LRRC32: variants seen among roughly 807,000 people sequenced by gnomAD.
LRRC32 encodes leucine rich repeat containing 32, also known as transforming growth factor beta activator LRRC32.
LRRC32 carries 5 observed loss-of-function variants against 15.0 expected under a neutral mutation model. The ratio of observed to expected loss-of-function variants is 0.33; its 90% CI spans 0.17 to 0.70. The LOEUF is 0.70. Ranked by LOEUF, LRRC32 falls within the 30% of genes least tolerant of loss-of-function variation. LRRC32 has a pLI of 0.66. For synonymous variants in LRRC32, 391 were observed against 403.9 expected, an observed-to-expected ratio of 0.97 and a Z score of 0.38; for missense variants, 803 against 854.2, an observed-to-expected ratio of 0.94 and a Z score of 0.75.
At chr11:76,665,370 A>T (rs966714215) in intron 2 of LRRC32, among the ~76,000 whole-genome samples, 6 of 151,974 alleles carry the variant, frequency 3.9e-5, no homozygotes, top group Non-Finnish European at 5.9e-5. Context: ...CTTCCTGGAG[A>T]TGGCAGCATT....
At chr11:76,661,979 A>G (rs965611408) in intron 2 of LRRC32, among the ~76,000 whole-genome samples, 2 of 152,040 alleles carry the variant, frequency 1.3e-5, no homozygotes, top group African/African-American at 4.8e-5. Context: ...GTAGATGGGA[A>G]TTTCTCCACT....
Position 76,660,478 on chromosome 11 carries a change from T to C in LRRC32, c.1115A>G (p.His372Arg). ...LPCLMLLDLSHNALETLELGA... is the reference protein window; with the variant it reads ...LPCLMLLDLSRNALETLELGA... ...CAGTTCCAGTGTCTCCAGGGCATTGTGGCTTAAGTCAAGGAGCATCAGGCA... is the reference window on the plus strand; with the variant it reads ...CAGTTCCAGTGTCTCCAGGGCATTGCGGCTTAAGTCAAGGAGCATCAGGCA... Residue 372 changes from histidine (H) to arginine (R), a missense_variant, in exon 3 of 3, where the codon CAC becomes CGC. Transcript: ENST00000260061. 6.2e-7 allele frequency: 1 copy of C among 1,614,072 alleles called. No individual in the cohort carries two copies. Among genetic ancestry groups the C allele is most frequent in the Non-Finnish European group, 8.5e-7 (1 of 1,179,998 alleles).
At chr11:76,667,670 C>T (rs1381634035) in intron 1 of LRRC32, among the ~76,000 whole-genome samples, 8 of 152,242 alleles carry the variant, frequency 5.3e-5, no homozygotes, top group Non-Finnish European at 7.3e-5. Context: ...AGAACGCCAC[C>T]GCCCGTTAGA....
In LRRC32 at chr11:76,660,138, G is replaced by C. The variant is rs770680359; in HGVS notation, c.1455C>G (p.Ala485=). The part of the protein sequence containing the change: ...SNPGLEVATG[A]LGGLEASLEV... ...CCAAGGAGGCCTCCAGGCCTCCCAA[G>C]GCCCCCGTGGCCACCTCCAGCCCAG... The change falls in exon 3 of 3, where the codon GCC becomes GCG. Residue 485 remains alanine, a synonymous_variant. Transcript: ENST00000260061. The C allele has an allele frequency of 5.6e-6, 9 of 1,606,232 alleles. No individual in the cohort carries two copies. Among genetic ancestry groups the C allele is most frequent in the East Asian group, 4.5e-5 (2 of 44,806 alleles).
chr11:76,664,079 G>T (rs1204901773), intron 2 of LRRC32, among the ~76,000 whole-genome samples: 1 of 152,190 alleles, frequency 6.6e-6, no homozygotes, highest in East Asian at 1.9e-4. Flanking sequence ...ACCGTGCTGT[G>T]CCCCGCGTGT....
rs1488776851 is a variant in LRRC32, at chr11:76,660,242, C to A, written c.1351G>T (p.Val451Leu). The change falls in exon 3 of 3, where the codon GTG becomes TTG. Residue 451 changes from valine to leucine, a missense_variant. Val to Leu is a conservative substitution (Grantham distance 32). Coordinates refer to ENST00000260061, the MANE Select transcript of LRRC32 (RefSeq NM_001128922.2). ...GITSLRSLSL[V>L]DNEIELLRAG... ...CTGAGCAGCTCTATCTCATTATCCA[C>A]CAGGCTCAGGCTGCGGAGGGAGGTG... 1 of 1,575,038 alleles carries A rather than the reference C, an allele frequency of 6.3e-7. No homozygotes were observed. Among genetic ancestry groups the A allele is most frequent in the Non-Finnish European group, 8.6e-7 (1 of 1,162,656 alleles).
chr11:76,660,448 GC>G lies in LRRC32; in HGVS notation c.1144del (p.Ala382ProfsTer67). On this transcript the variant is annotated frameshift_variant, in exon 3 of 3. Coordinates refer to ENST00000260061, the MANE Select transcript of LRRC32 (RefSeq NM_001128922.2). LOFTEE classifies it low-confidence loss of function (END_TRUNC). Reference sequence around the variant, plus strand: ...CGTCCGCAGAGACCCCAGGGCTCTGGCGCCCAGTTCCAGTGTCTCCAGGGCA... The same window carrying G: ...CGTCCGCAGAGACCCCAGGGCTCTGGGCCCAGTTCCAGTGTCTCCAGGGCA... ...HNALETLELG[A>X]RALGSLRTLL... The G allele has an allele frequency of 6.2e-7, 1 of 1,613,840 alleles. No individual in the cohort carries two copies. Among genetic ancestry groups the G allele is most frequent in the Non-Finnish European group, 8.5e-7 (1 of 1,179,928 alleles).
Position 76,660,227 on chromosome 11 carries a change from C to G in LRRC32, c.1366G>C (p.Glu456Gln), listed in dbSNP as rs745591528. The stretch of plus-strand genomic sequence containing the variant: ...AGGAAGGCCCCTGCCCTGAGCAGCT[C>G]TATCTCATTATCCACCAGGCTCAGG... ...RSLSLVDNEI[E>Q]LLRAGAFLHT... is the part of the protein sequence containing the mutation. Residue 456 changes from glutamate to glutamine, a missense_variant, in exon 3 of 3, where the codon GAG (glutamate) becomes CAG (glutamine). Transcript: ENST00000260061. The G allele has an allele frequency of 1.3e-6, 2 of 1,575,572 alleles. No individual in the cohort carries two copies. Among genetic ancestry groups the G allele is most frequent in the Non-Finnish European group, 1.7e-6 (2 of 1,163,110 alleles).
chr11:76,667,200 A>C (rs931510766), intron 1 of LRRC32, among the ~76,000 whole-genome samples: 1 of 152,204 alleles, frequency 6.6e-6, no homozygotes, highest in Non-Finnish European at 1.5e-5. Context: ...ACAAAAATTC[A>C]ATGACTTGGT....
chr11:76,660,442 G>C lies in LRRC32; in HGVS notation c.1151C>G (p.Ala384Gly). 6.2e-7 allele frequency: 1 copy of C among 1,613,794 alleles called. No homozygotes were observed. Among genetic ancestry groups the C allele is most frequent in the Non-Finnish European group, 8.5e-7 (1 of 1,179,902 alleles). Residue 384 changes from alanine to glycine, a missense_variant, in exon 3 of 3, where the codon GCC becomes GGC. By Grantham distance (60) the Ala-to-Gly change is moderately conservative. Transcript: ENST00000260061. Reference protein sequence around the residue: ...ALETLELGARALGSLRTLLLQ... With the variant: ...ALETLELGARGLGSLRTLLLQ... Reference sequence around the variant, plus strand: ...GAGCAGCGTCCGCAGAGACCCCAGGGCTCTGGCGCCCAGTTCCAGTGTCTC... The same window carrying C: ...GAGCAGCGTCCGCAGAGACCCCAGGCCTCTGGCGCCCAGTTCCAGTGTCTC...
In LRRC32 at chr11:76,657,886, A is replaced by T. The variant is rs959487392; in HGVS notation, c.*1718T>A. On this transcript the variant is annotated 3_prime_UTR_variant, in exon 3 of 3. Coordinates refer to ENST00000260061, the MANE Select transcript of LRRC32 (RefSeq NM_001128922.2). Reference sequence around the variant, plus strand: ...CTTTCTCGCACATTACTGAGCCCACATCATGAGCCAGACTGTGGGCCAAGC... The same window carrying T: ...CTTTCTCGCACATTACTGAGCCCACTTCATGAGCCAGACTGTGGGCCAAGC... The T allele has an allele frequency of 6.6e-6, 1 of 152,376 alleles. No individual in the cohort carries two copies. Among genetic ancestry groups the T allele is most frequent in the Non-Finnish European group, 1.5e-5 (1 of 68,062 alleles). The allele number at this position is 152,376 out of a possible 1,614,324, so 9.4% of individuals were successfully genotyped here. A position where few individuals can be genotyped will look rare whatever the true frequency, so the allele number is the denominator to read the frequency against.
chr11:76,666,175 T>C (rs1391323436), intron 1 of LRRC32, among the ~76,000 whole-genome samples: 2 of 152,166 alleles, frequency 1.3e-5, no homozygotes, highest in African/African-American at 2.4e-5. Context: ...GAGCCGCCCA[T>C]TACCCAGGGG....
chr11:76,665,579 G>GA (rs1952612280), intron 2 of LRRC32, among the ~76,000 whole-genome samples: 1 of 152,154 alleles, frequency 6.6e-6, no homozygotes, highest in Non-Finnish European at 1.5e-5. Flanking sequence ...CAGCTTGGGG[G>GA]AATACAGTGT....
intron 2 of LRRC32, among the ~76,000 whole-genome samples, chr11:76,662,319 CA>C (rs1952550383): frequency 6.6e-6 from 1 of 152,154 alleles, no homozygotes; most frequent in Non-Finnish European, 1.5e-5. Context: ...GTCACATAAC[CA>C]CTCTGTTTTC....
At chr11:76,665,642 T>C (rs998094866) in intron 2 of LRRC32, among the ~76,000 whole-genome samples, 3 of 152,206 alleles carry the variant, frequency 2.0e-5, no homozygotes, top group African/African-American at 7.2e-5. Context: ...GCCCAATCTC[T>C]CCAAGCCTCA....
At chr11:76,661,768 G>A (rs1952539077) in intron 2 of LRRC32, among the ~76,000 whole-genome samples, 1 of 145,124 alleles carries the variant, frequency 6.9e-6, no homozygotes, top group Non-Finnish European at 1.5e-5. Flanking sequence ...TGGACAGATG[G>A]AGAGATGATA....
intron 2 of LRRC32, 39 bp downstream of exon 2, chr11:76,665,832 T>C (rs760167479): frequency 6.2e-7 from 1 of 1,612,222 alleles, no homozygotes; most frequent in South Asian, 1.1e-5. Context: ...GGCAGGGAGG[T>C]GGGGGTGGTC....
chr11:76,660,771 G>A lies in LRRC32; in HGVS notation c.822C>T (p.Asn274=). 1 of 1,614,182 alleles carries A rather than the reference G, an allele frequency of 6.2e-7. No homozygotes were observed. Among genetic ancestry groups the A allele is most frequent in the Non-Finnish European group, 8.5e-7 (1 of 1,180,030 alleles). ...GCCCTGTGGGGAGCCGGATGAGGTTGTTGGACAAGTTCAGGTAGATGAGTC... is the reference window on the plus strand; with the variant it reads ...GCCCTGTGGGGAGCCGGATGAGGTTATTGGACAAGTTCAGGTAGATGAGTC... ...LPRLIYLNLS[N]NLIRLPTGPP... is the part of the protein sequence containing the mutation. Residue 274 remains asparagine (N), a synonymous_variant, in exon 3 of 3, where the codon AAC becomes AAT. Transcript: ENST00000260061.
chr11:76,664,168 C>G (rs1375144322), intron 2 of LRRC32, among the ~76,000 whole-genome samples: 1 of 152,214 alleles, frequency 6.6e-6, no homozygotes, highest in Non-Finnish European at 1.5e-5. Context: ...GAGACTTGAT[C>G]CAGGACACAA....
Sources: gnomAD v4.1 joint callset for allele counts (sites outside exome capture counted in the v4.1 genomes callset) on GRCh38, gnomAD v4.1.1 for gene constraint, MANE v1.5 for transcripts, NCBI Gene and HGNC (gene_info 2026-07-23, HGNC 2026-07-21) for gene names.